Variants in RPS6KA2 observed in about 807,000 individuals in gnomAD.
The protein encoded by RPS6KA2 is ribosomal protein S6 kinase A2.
Under a neutral mutation model 91.8 loss-of-function variants are expected in RPS6KA2, and 42 were observed. That is an observed-to-expected ratio of 0.46 (90% CI 0.36 to 0.59). The LOEUF is 0.59. Among genes scored for constraint, RPS6KA2 ranks in the 20% least tolerant of loss-of-function variants. RPS6KA2 has a pLI of 0.00. For missense variants in RPS6KA2, 798 were observed against 978.5 expected (o/e 0.82, Z 2.46); for synonymous variants, 414 against 393.6 (o/e 1.05, Z -0.61).
At chr6:166,496,439 T>C (rs997206518) in intron 8 of RPS6KA2, among the ~76,000 whole-genome samples, 5 of 151,936 alleles carry the variant, frequency 3.3e-5, no homozygotes, top group African/African-American at 1.2e-4. Context: ...TTATGATCTG[T>C]TGCCTTAATA....
At chr6:166,663,406 C>T (rs1378514820) in intron 2 of RPS6KA2, among the ~76,000 whole-genome samples, 1 of 152,196 alleles carries the variant, frequency 6.6e-6, no homozygotes, top group Non-Finnish European at 1.5e-5. Context: ...AGAACCCAGG[C>T]TTTGCACCCT....
At chr6:166,829,621 ATT>A (rs1562461003) in intron 2 of RPS6KA2, among the ~76,000 whole-genome samples, 1 of 146,976 alleles carries the variant, frequency 6.8e-6, no homozygotes, top group African/African-American at 2.5e-5. Flanking sequence ...AAAAAAAATT[ATT>A]ATATGGTCCA....
chr6:166,816,554 C>CAA (rs762549959), intron 2 of RPS6KA2, among the ~76,000 whole-genome samples: 7 of 137,886 alleles, frequency 5.1e-5, no homozygotes, highest in African/African-American at 1.1e-4. Flanking sequence ...GACTCCATCT[C>CAA]AAAAAAAAAA....
At position 166,494,238 on chromosome 6, in the gene RPS6KA2, G is replaced by A. The variant is rs1448699724; in HGVS notation, c.748-3497C>T. ...GAGGTCCCTGTGTGCACAGACACAT[G>A]CCCTCTAATCCGAGCTGCTCTCGCT... is the stretch of plus-strand genomic sequence containing the variant. On this transcript the variant is annotated intron_variant, in intron 8 of 20. Coordinates refer to ENST00000265678, the MANE Select transcript of RPS6KA2 (RefSeq NM_021135.6). This position sits in a 1 kb window ranked among gnomAD's most constrained non-coding sequence, Gnocchi z 5.1. Among the ~76,000 whole-genome samples, 1 of 152,130 alleles carries A rather than the reference G, an allele frequency of 6.6e-6. No individual in the cohort carries two copies. Among genetic ancestry groups the A allele is most frequent in the African/African-American group, 2.4e-5 (1 of 41,420 alleles).
intron 10 of RPS6KA2, among the ~76,000 whole-genome samples, chr6:166,483,109 C>T (rs554833913): frequency 1.4e-4 from 22 of 152,290 alleles, no homozygotes; most frequent in African/African-American, 4.6e-4. Flanking sequence ...CCGATGGGGC[C>T]GCTTTTATAG....
chr6:166,513,127 G>A (rs539668125), intron 3 of RPS6KA2, among the ~76,000 whole-genome samples: 13 of 152,316 alleles, frequency 8.5e-5, no homozygotes, highest in East Asian at 3.9e-4. Flanking sequence ...GAAAGTTTAC[G>A]AATTTGGGTT....
chr6:166,459,605 C>A lies in RPS6KA2; in HGVS notation c.973-54G>T. 7.6e-7 allele frequency: 1 copy of A among 1,320,516 alleles called. No individual in the cohort carries two copies. Among genetic ancestry groups the A allele is most frequent in the Non-Finnish European group, 1.1e-6 (1 of 921,570 alleles). 81.8% of individuals were successfully genotyped at this position (1,320,516 alleles called of 1,614,324 possible). A position where few individuals can be genotyped will look rare whatever the true frequency, so the allele number is the denominator to read the frequency against. The stretch of plus-strand genomic sequence containing the variant: ...CACTGAGGATGCACAGACATTGCCA[C>A]AGAACACTGGGGACAGAGAAACCTG... On this transcript the variant is annotated intron_variant, in intron 11 of 20. Coordinates refer to ENST00000265678, the MANE Select transcript of RPS6KA2 (RefSeq NM_021135.6). This position sits in a 1 kb window ranked among gnomAD's most constrained non-coding sequence, Gnocchi z 4.9.
chr6:166,415,289 A>G (rs1431834846), intron 19 of RPS6KA2, among the ~76,000 whole-genome samples: 1 of 152,230 alleles, frequency 6.6e-6, no homozygotes, highest in Non-Finnish European at 1.5e-5. Flanking sequence ...GTGTAAAAAC[A>G]AAAGCCTTTA....
At position 166,849,597 on chromosome 6, in the gene RPS6KA2, G is replaced by A. The variant is rs139209198; in HGVS notation, c.123+8603C>T. Among the ~76,000 whole-genome samples, 409 of 152,258 alleles carry A rather than the reference G, an allele frequency of 2.7e-3. 1 individual carries two copies. Among genetic ancestry groups the A allele is most frequent in the Admixed American group, 4.9e-3 (75 of 15,300 alleles). On this transcript the variant is annotated intron_variant, in intron 2 of 21. Transcript: ENST00000503859. This position sits in a 1 kb window ranked among gnomAD's most constrained non-coding sequence, Gnocchi z 4.9. ...CCCGCCCGTGGAAATCCATGAGACCGTTCATCGTTTCAAGAAGGACATTGC... is the reference window on the plus strand; with the variant it reads ...CCCGCCCGTGGAAATCCATGAGACCATTCATCGTTTCAAGAAGGACATTGC...
intron 6 of RPS6KA2, 142 bp from the exon 7 acceptor site, chr6:166,501,066 C>T (rs1195916072): frequency 1.4e-6 from 1 of 692,666 alleles, no homozygotes; most frequent in African/African-American, 1.8e-5. Context: ...AGGAGATCCC[C>T]ACGGCTTGTG....
intron 1 of RPS6KA2, among the ~76,000 whole-genome samples, chr6:166,574,628 A>G (rs1431695004): frequency 6.6e-6 from 1 of 152,204 alleles, no homozygotes; most frequent in Non-Finnish European, 1.5e-5. Context: ...ATACAAGTGC[A>G]TGTGTCTTTT....
chr6:166,437,478 A>G lies in RPS6KA2; in HGVS notation c.1333-4988T>C, dbSNP rs960506861. Among the ~76,000 whole-genome samples, 8 of 152,188 alleles carry G rather than the reference A, an allele frequency of 5.3e-5. No individual in the cohort carries two copies. The highest frequency in any genetic ancestry group is 1.7e-4 in the African/African-American group (7 of 41,454). ...GAGTGGTGTCGTGGGGCGGGGGACA[A>G]GCTCGCTCAGCTTTCTTTTTCTCAT... On this transcript the variant is annotated intron_variant, in intron 14 of 20. Transcript: ENST00000265678. This position sits in a 1 kb window ranked among gnomAD's most constrained non-coding sequence, Gnocchi z 4.3.
At chr6:166,640,809 C>T (rs991510076) in intron 2 of RPS6KA2, among the ~76,000 whole-genome samples, 1 of 149,364 alleles carries the variant, frequency 6.7e-6, no homozygotes, top group Non-Finnish European at 1.5e-5. Context: ...GGGGGCCAAG[C>T]AGGGTGTGGG....
intron 6 of RPS6KA2, among the ~76,000 whole-genome samples, chr6:166,503,227 G>A (rs984715464): frequency 4.6e-5 from 7 of 152,218 alleles, no homozygotes; most frequent in Non-Finnish European, 8.8e-5. Context: ...ATTTACACAC[G>A]TATTCAACTC....
intron 2 of RPS6KA2, among the ~76,000 whole-genome samples, chr6:166,716,048 A>G: frequency 2.3e-5 from 2 of 87,914 alleles, no homozygotes; most frequent in Admixed American, 1.4e-4. Context: ...AAAAAAAAAA[A>G]AAAAAAAAAA....
intron 2 of RPS6KA2, among the ~76,000 whole-genome samples, chr6:166,794,077 A>G (rs1218581094): frequency 1.4e-5 from 2 of 141,210 alleles, no homozygotes; most frequent in East Asian, 2.1e-4. Context: ...AACCTACAAA[A>G]TGGGAGAAAA....
intron 2 of RPS6KA2, among the ~76,000 whole-genome samples, chr6:166,697,435 C>G (rs1034274710): frequency 1.3e-5 from 2 of 152,312 alleles, no homozygotes; most frequent in South Asian, 4.1e-4. Context: ...AGGTTCAGAT[C>G]AATGGTATAT....
intron 2 of RPS6KA2, among the ~76,000 whole-genome samples, chr6:166,802,143 G>A (rs1254828509): frequency 3.3e-5 from 5 of 151,818 alleles, no homozygotes; most frequent in African/African-American, 9.7e-5. Flanking sequence ...GGTGGTGGGC[G>A]CCTGTAGTCC....
chr6:166,607,669 A>T (rs577849078), intron 1 of RPS6KA2, among the ~76,000 whole-genome samples: 1 of 152,284 alleles, frequency 6.6e-6, no homozygotes, highest in South Asian at 2.1e-4. Context: ...AACATTACAG[A>T]TGTGGTAACA....
Sources: gnomAD v4.1 joint callset for allele counts (sites outside exome capture counted in the v4.1 genomes callset) on GRCh38, gnomAD v4.1.1 for gene constraint, Gnocchi (gnomAD v3.1) non-coding constraint, MANE v1.5 for transcripts, NCBI Gene and HGNC (gene_info 2026-07-23, HGNC 2026-07-21) for gene names.